The following RBL1 variants were observed in gnomAD, a reference collection of about 807,000 sequenced individuals.
The protein encoded by RBL1 is RB transcriptional corepressor like 1.
A neutral mutation model predicts 123.0 loss-of-function variants in RBL1; 82 were observed. The observed-to-expected ratio is 0.67, with a 90% CI of 0.56 to 0.80. The LOEUF (loss-of-function observed/expected upper bound fraction) is 0.80, where lower values mean the gene tolerates loss of function less well. RBL1 is among the 30% of genes least tolerant of loss of function. RBL1 has a pLI of 0.00. For synonymous variants in RBL1, 405 were observed against 441.3 expected (o/e 0.92, Z 1.03); for missense variants, 1,171 against 1,299.6 (o/e 0.90, Z 1.52).
At chr20:37,036,220 A>G (rs968287443) in intron 14 of RBL1, among the ~76,000 whole-genome samples, 1 of 152,070 alleles carries the variant, frequency 6.6e-6, no homozygotes, top group Non-Finnish European at 1.5e-5. Flanking sequence ...TTTTTTCACA[A>G]TTCTTCCCTC....
chr20:37,032,046 T>C (rs1381136524), intron 16 of RBL1, among the ~76,000 whole-genome samples: 1 of 151,790 alleles, frequency 6.6e-6, no homozygotes, highest in Admixed American at 6.6e-5. Flanking sequence ...CCACGCCTGG[T>C]TTGAACAGAC....
intron 2 of RBL1, chr20:37,082,009 G>A: frequency 2.2e-6 from 1 of 456,250 alleles, no homozygotes; most frequent in South Asian, 1.5e-5. Flanking sequence ...CTGGCCAGGA[G>A]ACATAGGGCA....
chr20:37,024,214 A>G (rs2146233286), intron 16 of RBL1, among the ~76,000 whole-genome samples: 1 of 152,320 alleles, frequency 6.6e-6, no homozygotes, highest in Non-Finnish European at 1.5e-5. Context: ...TAATATAAAG[A>G]GAGACAAACA....
At chr20:37,090,746 C>T (rs1291742248) in intron 1 of RBL1, among the ~76,000 whole-genome samples, 1 of 152,130 alleles carries the variant, frequency 6.6e-6, no homozygotes, top group Admixed American at 6.6e-5. Context: ...TGTTTCTAGG[C>T]TACAAACCTG....
intron 19 of RBL1, among the ~76,000 whole-genome samples, chr20:37,009,679 C>T (rs1169346664): frequency 6.6e-6 from 1 of 151,318 alleles, no homozygotes; most frequent in Non-Finnish European, 1.5e-5. Context: ...TTAATGTCCT[C>T]CTTAGATTAG....
intron 9 of RBL1, among the ~76,000 whole-genome samples, chr20:37,056,757 G>T (rs752536172): frequency 2.6e-5 from 4 of 152,050 alleles, no homozygotes; most frequent in Non-Finnish European, 5.9e-5. Context: ...ATTTTAACAC[G>T]TAAAATTATA....
At chr20:37,025,059 C>T (rs181902160) in intron 16 of RBL1, among the ~76,000 whole-genome samples, 4 of 152,106 alleles carry the variant, frequency 2.6e-5, no homozygotes, top group African/African-American at 9.7e-5. Flanking sequence ...GCTCCAAAAC[C>T]CACAATGTAA....
intron 16 of RBL1, among the ~76,000 whole-genome samples, chr20:37,030,581 G>A (rs1348075899): frequency 1.3e-5 from 2 of 152,020 alleles, no homozygotes; most frequent in South Asian, 4.2e-4. Context: ...CAGGCCCGGC[G>A]TGGTGGCTCA....
chr20:37,065,330 T>C, intron 7 of RBL1, 94 bp downstream of exon 7: 2 of 885,022 alleles, frequency 2.3e-6, no homozygotes, highest in Non-Finnish European at 3.4e-6. Flanking sequence ...TTGGAGGTCT[T>C]ACTTTGATAT....
chr20:36,998,550 T>C lies in RBL1; in HGVS notation c.*209A>G. ...GACTATTAGTATTTTTAAAAGGCAC[T>C]TAAAATATTCCTTTCCAATCCAACT... On this transcript the variant is annotated 3_prime_UTR_variant, in exon 22 of 22. Coordinates refer to ENST00000373664, the MANE Select transcript of RBL1 (RefSeq NM_002895.5). The C allele has an allele frequency of 1.9e-6, 1 of 514,236 alleles. No individual in the cohort carries two copies. The highest frequency in any genetic ancestry group is 2.7e-5 in the South Asian group (1 of 37,382). The allele number at this position is 514,236 out of a possible 1,614,324, so 31.9% of individuals were successfully genotyped here. A position where few individuals can be genotyped will look rare whatever the true frequency, so the allele number is the denominator to read the frequency against.
chr20:37,022,791 T>C lies in RBL1; in HGVS notation c.2418A>G (p.Leu806=), dbSNP rs199564703. The C allele has an allele frequency of 3.1e-6, 5 of 1,613,240 alleles. No homozygotes were observed. The highest frequency in any genetic ancestry group is 1.7e-4 in the Middle Eastern group (1 of 5,806). Residue 806 remains leucine (L), a synonymous_variant, in exon 17 of 22, where the codon CTA becomes CTG. Transcript: ENST00000373664. The part of the protein sequence containing the change: ...YHLASVRLRD[L]CLKLDVSNEL... ...CATTTGAAACATCCAGTTTTAGACA[T>C]AGATCACGTAAGCGTACACTTGCCA...
At position 37,035,253 on chromosome 20, in the gene RBL1, A is replaced by G. The variant is rs1205034693; in HGVS notation, c.2159T>C (p.Ile720Thr). The G allele has an allele frequency of 6.2e-7, 1 of 1,612,898 alleles. No individual in the cohort carries two copies. The highest frequency in any genetic ancestry group is 1.1e-5 in the South Asian group (1 of 90,896). ...CACTATAACGTTACCATGTAATGGA[A>G]TTGTAACTTTATGTCCTGTTGTTCC... ...VTGTTGHKVT[I>T]PLHGVANDAG... Residue 720 changes from isoleucine (I) to threonine (T), a missense_variant, in exon 15 of 22, where the codon ATT (isoleucine) becomes ACT (threonine). Physicochemically the swap from Ile to Thr is moderately conservative, Grantham distance 89. Transcript: ENST00000373664.
At chr20:37,014,819 T>C (rs570340162) in intron 19 of RBL1, among the ~76,000 whole-genome samples, 24 of 152,006 alleles carry the variant, frequency 1.6e-4, no homozygotes, top group African/African-American at 5.8e-4. Context: ...TCCCAGCACT[T>C]TGGGAGGCCA....
chr20:37,001,931 A>C (rs558827604), intron 21 of RBL1, among the ~76,000 whole-genome samples: 31 of 151,098 alleles, frequency 2.1e-4, no homozygotes, highest in East Asian at 1.4e-3. Context: ...AAAAAAAAAA[A>C]AAAAAAAAAA....
At chr20:37,005,697 C>T (rs1024908785) in intron 20 of RBL1, among the ~76,000 whole-genome samples, 4 of 151,860 alleles carry the variant, frequency 2.6e-5, no homozygotes, top group Non-Finnish European at 4.4e-5. Flanking sequence ...AGAGATATTC[C>T]GAGTATAGCA....
chr20:37,074,269 C>T (rs894064101), intron 2 of RBL1, among the ~76,000 whole-genome samples: 1 of 151,744 alleles, frequency 6.6e-6, no homozygotes, highest in African/African-American at 2.4e-5. Context: ...TAAAAATTAG[C>T]TTGGCATGGT....
At chr20:37,075,998 T>C (rs2065357694) in intron 2 of RBL1, among the ~76,000 whole-genome samples, 1 of 152,190 alleles carries the variant, frequency 6.6e-6, no homozygotes, top group East Asian at 1.9e-4. Context: ...AAAATTCTCT[T>C]TCTCATCACC....
At chr20:37,021,410 C>CT (rs2064337849) in intron 17 of RBL1, among the ~76,000 whole-genome samples, 1 of 151,926 alleles carries the variant, frequency 6.6e-6, no homozygotes, top group African/African-American at 2.4e-5. Flanking sequence ...GGAAAACACA[C>CT]GATTAGTTAG....
At chr20:37,069,390 G>A (rs965722528) in intron 2 of RBL1, among the ~76,000 whole-genome samples, 13 of 151,252 alleles carry the variant, frequency 8.6e-5, no homozygotes, top group Non-Finnish European at 1.5e-4. Context: ...CCTAGGAAGT[G>A]AGGAGCACCT....
Sources: gnomAD v4.1 joint callset for allele counts (sites outside exome capture counted in the v4.1 genomes callset) on GRCh38, gnomAD v4.1.1 for gene constraint, MANE v1.5 for transcripts, NCBI Gene and HGNC (gene_info 2026-07-23, HGNC 2026-07-21) for gene names.